The following RAB11FIP3 variants were observed in gnomAD, a reference collection of about 807,000 sequenced individuals.
RAB11FIP3 encodes the protein rab11 family-interacting protein 3.
RAB11FIP3 carries 17 observed loss-of-function variants against 77.8 expected under a neutral mutation model. That is an observed-to-expected ratio of 0.22 (90% CI 0.15 to 0.33). RAB11FIP3 has a LOEUF of 0.33. Among genes scored for constraint, RAB11FIP3 ranks in the 10% least tolerant of loss-of-function variants. The probability of loss-of-function intolerance (pLI) is 1.00; values close to 1 mark genes in which losing one functional copy is unlikely to be tolerated. For missense variants in RAB11FIP3, 1,005 were observed against 1,011.2 expected, an observed-to-expected ratio of 0.99 and a Z score of 0.08; for synonymous variants, 437 against 448.2, an observed-to-expected ratio of 0.98 and a Z score of 0.31.
chr16:463,265 C>T (rs2055646975), intron 2 of RAB11FIP3, among the ~76,000 whole-genome samples: 1 of 151,980 alleles, frequency 6.6e-6, no homozygotes, highest in Non-Finnish European at 1.5e-5. Flanking sequence ...GGCTGGGGCC[C>T]TCAGAGTCAG....
rs2071976 is a variant in RAB11FIP3 at position 514,881 on chromosome 16, C to T, written c.1641-4062C>T. ...GGGGTACATGGCCCATCATCAGGCA[C>T]AGAGTGAACTGGGTGAACGTGGCCC... is the stretch of plus-strand genomic sequence containing the variant. On this transcript the variant is annotated intron_variant, in intron 9 of 13. Coordinates refer to ENST00000262305, the MANE Select transcript of RAB11FIP3 (RefSeq NM_014700.4). This position sits in a 1 kb window ranked among gnomAD's most constrained non-coding sequence, Gnocchi z 4.6. Among the ~76,000 whole-genome samples the T allele has an allele frequency of 1.5e-3, 227 of 152,358 alleles. 1 individual carries two copies. In the East Asian group the frequency reaches 0.028, roughly 19 times the overall value.
intron 1 of RAB11FIP3, among the ~76,000 whole-genome samples, chr16:435,481 C>T (rs1002041700): frequency 6.6e-6 from 1 of 152,158 alleles, no homozygotes; most frequent in East Asian, 1.9e-4. Context: ...TAGATTAGCA[C>T]TTCTAAGTTA....
chr16:495,875 C>T (rs1219297294), intron 5 of RAB11FIP3, among the ~76,000 whole-genome samples: 2 of 152,156 alleles, frequency 1.3e-5, no homozygotes, highest in African/African-American at 4.8e-5. Flanking sequence ...CCCAGCCTCC[C>T]GAGTAGCTGG....
chr16:499,121 A>G lies in RAB11FIP3; in HGVS notation c.1301+2262A>G, dbSNP rs540481096. On this transcript the variant is annotated intron_variant, in intron 6 of 13. Transcript: ENST00000262305. ...CAGCTACTCAGGAGACTGAGGCAGG[A>G]GAATCACCTGAACCCTGGAGGCGGA... Among the ~76,000 whole-genome samples, 160 of 152,246 alleles carry G rather than the reference A, an allele frequency of 1.1e-3. 4 individuals are homozygous for G. The South Asian group carries it at 0.032, about 30-fold the overall frequency.
At chr16:481,611 C>A (rs1377698143) in intron 3 of RAB11FIP3, among the ~76,000 whole-genome samples, 2 of 119,490 alleles carry the variant, frequency 1.7e-5, no homozygotes, top group Non-Finnish European at 3.5e-5. Context: ...CAAGCTCCTC[C>A]GTCAGTCTCT....
rs2141855749 is a variant in RAB11FIP3 at position 503,021 on chromosome 16, G to C, written c.1319G>C (p.Gly440Ala). Residue 440 changes from glycine to alanine, a missense_variant, in exon 7 of 14, where the codon GGG (glycine) becomes GCG (alanine). Coordinates refer to ENST00000262305, the MANE Select transcript of RAB11FIP3 (RefSeq NM_014700.4). ...KKVARYLHQSGALTMEALEDP... is the reference protein window; with the variant it reads ...KKVARYLHQSAALTMEALEDP... The stretch of plus-strand genomic sequence containing the variant: ...TTCTGTAGGTACCTGCACCAGTCAG[G>C]GGCCCTGACCATGGAGGCCCTGGAG... 6.2e-7 allele frequency: 1 copy of C among 1,612,706 alleles called. No individual in the cohort carries two copies. The highest frequency in any genetic ancestry group is 1.1e-5 in the South Asian group (1 of 91,030).
intron 6 of RAB11FIP3, among the ~76,000 whole-genome samples, chr16:497,940 A>C (rs563006755): frequency 1.6e-5 from 2 of 126,286 alleles, no homozygotes; most frequent in Admixed American, 1.5e-4. Context: ...CTGTCTCTAC[A>C]AAAAAAAAAA....
intron 1 of RAB11FIP3, among the ~76,000 whole-genome samples, chr16:459,197 G>C (rs949101734): frequency 8.0e-5 from 12 of 149,174 alleles, no homozygotes; most frequent in African/African-American, 2.2e-4. Context: ...CACGATCTCA[G>C]CTCACTACAA....
At chr16:497,761 C>G (rs551437313) in intron 6 of RAB11FIP3, among the ~76,000 whole-genome samples, 1 of 152,050 alleles carries the variant, frequency 6.6e-6, no homozygotes, top group Non-Finnish European at 1.5e-5. Context: ...AAAAGAGGTG[C>G]TCAGGAGATA....
Position 492,455 on chromosome 16 carries a change from T to C in RAB11FIP3, c.1265+3455T>C, listed in dbSNP as rs1482203788. Among the ~76,000 whole-genome samples, 33 of 48,148 alleles carry C rather than the reference T, an allele frequency of 6.9e-4. 1 individual carries two copies. Among genetic ancestry groups the C allele is most frequent in the African/African-American group, 3.0e-3 (24 of 8,130 alleles). 31.6% of individuals were successfully genotyped at this position (48,148 alleles called of 152,430 possible). On this transcript the variant is annotated intron_variant, in intron 5 of 13. Transcript: ENST00000262305. ...GGAGACCCGAGGCCGCCCAGGGCCC[T>C]TCCCGGGGAGACCCGAGGCCGCCCA...
intron 1 of RAB11FIP3, among the ~76,000 whole-genome samples, chr16:435,200 G>A (rs1244651458): frequency 4.9e-5 from 7 of 144,326 alleles, no homozygotes; most frequent in African/African-American, 7.9e-5. Context: ...GCGAGACTCC[G>A]TCTCAAAAAA....
chr16:432,797 G>A (rs1205092023), intron 1 of RAB11FIP3, among the ~76,000 whole-genome samples: 1 of 151,114 alleles, frequency 6.6e-6, no homozygotes, highest in Non-Finnish European at 1.5e-5. Context: ...ATAGAGATGG[G>A]GTTTTGTCAC....
Position 518,969 on chromosome 16 carries a change from G to A in RAB11FIP3, c.1667G>A (p.Ser556Asn), listed in dbSNP as rs951048155. ...TRLQQLDEEN[S>N]ELRSCTPCLK... ...CTACAGCAACTGGACGAGGAGAACA[G>A]TGAACTCCGGTCCTGCACGCCCTGT... The change falls in exon 10 of 14, where the codon AGT (serine) becomes AAT (asparagine). Residue 556 changes from serine to asparagine, a missense_variant. Coordinates refer to ENST00000262305, the MANE Select transcript of RAB11FIP3 (RefSeq NM_014700.4). 6.2e-7 allele frequency: 1 copy of A among 1,613,622 alleles called. No homozygotes were observed. The highest frequency in any genetic ancestry group is 8.5e-7 in the Non-Finnish European group (1 of 1,180,026).
chr16:475,155 G>C, intron 3 of RAB11FIP3: 1 of 1,500,494 alleles, frequency 6.7e-7, no homozygotes, highest in Non-Finnish European at 9.0e-7. Flanking sequence ...GTGGTGGAGA[G>C]AGGCTCAGGG....
intron 10 of RAB11FIP3, 26 bp downstream of exon 10, chr16:519,050 T>TGGCCAGTGGGGCC (rs1185877080): frequency 6.2e-7 from 1 of 1,610,884 alleles, no homozygotes; most frequent in Non-Finnish European, 8.5e-7. Context: ...CCTGGAGCTG[T>TGGCCAGTGGGGCC]GGCCAGTGGG....
In RAB11FIP3 at chr16:426,058, G is replaced by A; in HGVS notation, c.52G>A (p.Asp18Asn). 6 of 998,776 alleles carry A rather than the reference G, an allele frequency of 6.0e-6. No homozygotes were observed. The highest frequency in any genetic ancestry group is 5.9e-6 in the Non-Finnish European group (5 of 840,676). 61.9% of individuals were successfully genotyped at this position (998,776 alleles called of 1,614,324 possible). A position where few individuals can be genotyped will look rare whatever the true frequency, so the allele number is the denominator to read the frequency against. The part of the protein sequence containing the change: ...SPPGSEPPGP[D>N]PEPGGPDGPG... Reference sequence around the variant, plus strand: ...CCCGGGCTCGGAGCCGCCGGGGCCCGACCCGGAGCCGGGCGGGCCGGACGG... The same window carrying A: ...CCCGGGCTCGGAGCCGCCGGGGCCCAACCCGGAGCCGGGCGGGCCGGACGG... Residue 18 changes from aspartate to asparagine, a missense_variant, in exon 1 of 14, where the codon GAC becomes AAC. By Grantham distance (23) the Asp-to-Asn change is conservative (BLOSUM62 1). Coordinates refer to ENST00000262305, the MANE Select transcript of RAB11FIP3 (RefSeq NM_014700.4). This position sits in a 1 kb window ranked among gnomAD's most constrained non-coding sequence, Gnocchi z 5.0.
chr16:445,586 G>T (rs1203798126), intron 1 of RAB11FIP3, among the ~76,000 whole-genome samples: 1 of 152,200 alleles, frequency 6.6e-6, no homozygotes, highest in African/African-American at 2.4e-5. Context: ...CTCTGGTCTG[G>T]TATGGGGGGA....
chr16:465,581 G>A (rs2055688276), intron 2 of RAB11FIP3, among the ~76,000 whole-genome samples: 1 of 152,190 alleles, frequency 6.6e-6, no homozygotes, highest in Middle Eastern at 3.4e-3. Context: ...GAGTGTGGGC[G>A]GCCTGTCAGT....
At chr16:502,607 C>A in intron 6 of RAB11FIP3, 1 of 273,150 alleles carries the variant, frequency 3.7e-6, no homozygotes, top group Non-Finnish European at 6.9e-6. Context: ...GGTCAAGGTC[C>A]TGAGCTGATG....
Sources: allele counts gnomAD v4.1 joint callset (sites outside exome capture counted in the v4.1 genomes callset), GRCh38; gene constraint gnomAD v4.1.1; non-coding constraint Gnocchi (gnomAD v3.1); transcripts MANE v1.5; gene names NCBI Gene and HGNC (gene_info 2026-07-23, HGNC 2026-07-21).